PLCL1: variants seen among roughly 807,000 people sequenced by gnomAD.
PLCL1 encodes phospholipase C like 1 (inactive), also known as inactive phospholipase C-like protein 1.
PLCL1 carries 41 observed loss-of-function variants against 84.4 expected under a neutral mutation model. That is an observed-to-expected ratio of 0.49 (90% CI 0.38 to 0.63). PLCL1 has a LOEUF of 0.63. PLCL1 is among the 30% of genes least tolerant of loss of function. The pLI is 0.00. For missense variants in PLCL1, 1,206 were observed against 1,367.8 expected (o/e 0.88, Z 1.87); for synonymous variants, 490 against 488.3 (o/e 1.00, Z -0.05).
chr2:198,081,667 C>A (rs1443634417), intron 1 of PLCL1, among the ~76,000 whole-genome samples: 1 of 152,202 alleles, frequency 6.6e-6, no homozygotes, highest in African/African-American at 2.4e-5. Flanking sequence ...TAATTTATAT[C>A]ATTGTCACTT....
chr2:198,055,015 C>T (rs909184620), intron 1 of PLCL1, among the ~76,000 whole-genome samples: 1 of 152,012 alleles, frequency 6.6e-6, no homozygotes, highest in Non-Finnish European at 1.5e-5. Flanking sequence ...ATATGGCATT[C>T]ATGATGTTTT....
rs1471385779 is a variant in PLCL1, at chr2:197,804,849, C to A, written c.-251C>A. 7.5e-6 allele frequency: 3 copies of A among 400,062 alleles called. No individual in the cohort carries two copies. The highest frequency in any genetic ancestry group is 1.3e-5 in the Non-Finnish European group (3 of 225,920). The allele number at this position is 400,062 out of a possible 1,614,324, so 24.8% of individuals were successfully genotyped here. ...TCTGCCTCCCGCTCACATCGCCTCC[C>A]CACTCCCGCCACCGTCCCCCGCCGG... On this transcript the variant is annotated 5_prime_UTR_variant, in exon 1 of 6. Transcript: ENST00000428675.
chr2:198,072,627 G>A lies in PLCL1; in HGVS notation c.241-11131G>A, dbSNP rs559362117. On this transcript the variant is annotated intron_variant, in intron 1 of 5. Transcript: ENST00000428675. ...ATGTTTTCTCTAGGATTCTGAAATG[G>A]TTTTGATTATGTTAAGGAAGTTTTC... 4.6e-5 allele frequency among the ~76,000 whole-genome samples: 7 copies of A among 152,022 alleles called. No individual in the cohort carries two copies. In the East Asian group the frequency reaches 1.2e-3, roughly 25 times the overall value.
intron 3 of PLCL1, among the ~76,000 whole-genome samples, chr2:198,090,018 G>C (rs1344543281): frequency 6.6e-6 from 1 of 152,078 alleles, no homozygotes; most frequent in Non-Finnish European, 1.5e-5. Context: ...ATTTCTTGGA[G>C]AAACAATTGG....
At chr2:197,896,178 G>A (rs1039173383) in intron 1 of PLCL1, among the ~76,000 whole-genome samples, 5 of 151,822 alleles carry the variant, frequency 3.3e-5, no homozygotes, top group Non-Finnish European at 7.4e-5. Flanking sequence ...GAGACTTTAT[G>A]TTCTGTTAAT....
chr2:197,938,590 A>G (rs1256273095), intron 1 of PLCL1, among the ~76,000 whole-genome samples: 1 of 152,116 alleles, frequency 6.6e-6, no homozygotes, highest in African/African-American at 2.4e-5. Context: ...TTGGGCCCAA[A>G]TCTCCACTTG....
intron 1 of PLCL1, among the ~76,000 whole-genome samples, chr2:197,947,605 T>C (rs1054983205): frequency 1.6e-4 from 24 of 152,092 alleles, no homozygotes; most frequent in Admixed American, 1.2e-3. Flanking sequence ...AGAAGCTGTT[T>C]GTGGTTTGAA....
At chr2:197,863,870 G>A (rs938972331) in intron 1 of PLCL1, among the ~76,000 whole-genome samples, 2 of 152,108 alleles carry the variant, frequency 1.3e-5, no homozygotes, top group African/African-American at 4.8e-5. Context: ...ATACTGCAGA[G>A]CACTTTGATA....
intron 5 of PLCL1, among the ~76,000 whole-genome samples, chr2:198,132,842 A>G (rs535400882): frequency 1.3e-5 from 2 of 151,784 alleles, no homozygotes; most frequent in South Asian, 2.1e-4. Flanking sequence ...ATTAGACCCC[A>G]TTTGTCAATT....
At chr2:198,143,698 T>C (rs1417334442) in intron 5 of PLCL1, among the ~76,000 whole-genome samples, 3 of 152,130 alleles carry the variant, frequency 2.0e-5, no homozygotes. Context: ...ATGTGTCTTT[T>C]CTGATTCTGG....
chr2:197,920,220 G>A (rs1207447661), intron 1 of PLCL1, among the ~76,000 whole-genome samples: 1 of 151,968 alleles, frequency 6.6e-6, no homozygotes, highest in Non-Finnish European at 1.5e-5. Context: ...TTCTGCAGGG[G>A]AGAGTGAAAG....
intron 5 of PLCL1, among the ~76,000 whole-genome samples, chr2:198,104,366 T>C (rs1007755102): frequency 2.0e-5 from 3 of 152,086 alleles, no homozygotes; most frequent in African/African-American, 7.2e-5. Context: ...GCAAAGGACA[T>C]GATCTTATTC....
At chr2:198,139,556 C>T (rs574998222) in intron 5 of PLCL1, among the ~76,000 whole-genome samples, 1 of 152,204 alleles carries the variant, frequency 6.6e-6, no homozygotes, top group African/African-American at 2.4e-5. Context: ...TTTTAAATGA[C>T]CATTCCCTTT....
intron 1 of PLCL1, among the ~76,000 whole-genome samples, chr2:197,929,138 CTAG>C (rs1378802157): frequency 1.3e-5 from 2 of 152,118 alleles, no homozygotes; most frequent in Non-Finnish European, 2.9e-5. Flanking sequence ...CAGTCATTTT[CTAG>C]CCTCATTAAT....
chr2:198,109,079 G>GAT (rs1693556841), intron 5 of PLCL1, among the ~76,000 whole-genome samples: 2 of 151,820 alleles, frequency 1.3e-5, no homozygotes, highest in African/African-American at 4.8e-5. Context: ...TTCTTGTGCT[G>GAT]ATATAATAAA....
At chr2:197,818,209 G>A (rs1690732101) in intron 1 of PLCL1, among the ~76,000 whole-genome samples, 1 of 152,076 alleles carries the variant, frequency 6.6e-6, no homozygotes, top group South Asian at 2.1e-4. Context: ...TGGTGTACTA[G>A]GATGGAAGTA....
At chr2:197,810,416 C>G in intron 1 of PLCL1, 1 of 470,260 alleles carries the variant, frequency 2.1e-6, no homozygotes, top group Admixed American at 3.2e-5. Flanking sequence ...GTTTGTTTTC[C>G]CTTTTGGAAA....
intron 1 of PLCL1, among the ~76,000 whole-genome samples, chr2:198,029,666 C>T (rs1691358951): frequency 6.6e-6 from 1 of 150,640 alleles, no homozygotes; most frequent in South Asian, 2.1e-4. Flanking sequence ...ATGTCTCTTC[C>T]TTCCTTCTTC....
At chr2:198,127,869 A>G (rs1284280095) in intron 5 of PLCL1, among the ~76,000 whole-genome samples, 1 of 151,996 alleles carries the variant, frequency 6.6e-6, no homozygotes, top group Non-Finnish European at 1.5e-5. Flanking sequence ...AAAAATCTTC[A>G]TTTTCTGGAG....
Sources: allele counts gnomAD v4.1 joint callset (sites outside exome capture counted in the v4.1 genomes callset), GRCh38; gene constraint gnomAD v4.1.1; transcripts MANE v1.5; gene names NCBI Gene and HGNC (gene_info 2026-07-23, HGNC 2026-07-21).